The following LRBA variants were observed in gnomAD, a reference collection of about 807,000 sequenced individuals.
LRBA encodes LPS responsive beige-like anchor protein, also known as lipopolysaccharide-responsive and beige-like anchor protein.
LRBA carries 176 observed loss-of-function variants against 330.0 expected under a neutral mutation model. The ratio of observed to expected loss-of-function variants is 0.53; its 90% CI spans 0.47 to 0.60. The LOEUF is 0.60. Ranked by LOEUF, LRBA falls within the 20% of genes least tolerant of loss-of-function variation. The pLI is 0.00. For missense variants in LRBA, 3,259 were observed against 3,444.8 expected, an observed-to-expected ratio of 0.95 and a Z score of 1.35; for synonymous variants, 1,230 against 1,193.0, an observed-to-expected ratio of 1.03 and a Z score of -0.64.
intron 47 of LRBA, among the ~76,000 whole-genome samples, chr4:150,363,879 A>C (rs1739065138): frequency 6.6e-6 from 1 of 152,216 alleles, no homozygotes; most frequent in Non-Finnish European, 1.5e-5. Flanking sequence ...ACTGTTTAAG[A>C]AGCGTGAAAT....
At chr4:150,465,558 T>C (rs982590472) in intron 44 of LRBA, among the ~76,000 whole-genome samples, 1 of 152,180 alleles carries the variant, frequency 6.6e-6, no homozygotes, top group African/African-American at 2.4e-5. Context: ...ATCTTCCTAA[T>C]GGTTGTGAAG....
chr4:150,926,241 T>C (rs1017465884), intron 4 of LRBA, among the ~76,000 whole-genome samples: 3 of 152,190 alleles, frequency 2.0e-5, no homozygotes, highest in African/African-American at 7.2e-5. Context: ...AGTTAAAGAA[T>C]TCCCAAAACT....
rs146561041 is a variant in LRBA at position 150,997,989 on chromosome 4, C to A, written c.216+16438G>T. Among the ~76,000 whole-genome samples the A allele has an allele frequency of 5.8e-3, 886 of 152,246 alleles. 11 individuals are homozygous for A. Among genetic ancestry groups the A allele is most frequent in the African/African-American group, 0.02 (829 of 41,548 alleles). ...AAAGTGCTAGGATTACAAGCGTGAG[C>A]CACTGCACCTGGCCAAACAGTCTAT... is the stretch of plus-strand genomic sequence containing the variant. On this transcript the variant is annotated intron_variant, in intron 2 of 56. Transcript: ENST00000651943.
At chr4:150,827,571 T>C (rs1165878024) in intron 30 of LRBA, among the ~76,000 whole-genome samples, 4 of 152,064 alleles carry the variant, frequency 2.6e-5, no homozygotes, top group South Asian at 2.1e-4. Flanking sequence ...AACAGTAATA[T>C]ATTTTTTTCT....
intron 40 of LRBA, among the ~76,000 whole-genome samples, chr4:150,504,260 C>T (rs1581514447): frequency 6.6e-6 from 1 of 151,996 alleles, no homozygotes; most frequent in South Asian, 2.1e-4. Flanking sequence ...AGATACTCCT[C>T]GAGAAGAGCA....
At chr4:150,275,057 A>T (rs1428098710) in intron 56 of LRBA, among the ~76,000 whole-genome samples, 2 of 152,218 alleles carry the variant, frequency 1.3e-5, no homozygotes, top group African/African-American at 4.8e-5. Context: ...CAAATCCAGG[A>T]GCACATCAAA....
chr4:150,753,182 C>T (rs1560771634), intron 35 of LRBA, among the ~76,000 whole-genome samples: 1 of 152,108 alleles, frequency 6.6e-6, no homozygotes, highest in Non-Finnish European at 1.5e-5. Flanking sequence ...CTCCTCCCCT[C>T]GTTTTAACTT....
rs745608560 is a variant in LRBA at position 150,683,566 on chromosome 4, C to G, written c.5906G>C (p.Gly1969Ala). 7.2e-5 allele frequency: 116 copies of G among 1,613,594 alleles called. No homozygotes were observed. The highest frequency in any genetic ancestry group is 9.1e-5 in the Non-Finnish European group (107 of 1,179,774). The change falls in exon 37 of 57, where the codon GGA becomes GCA. Residue 1969 changes from glycine (G) to alanine (A), a missense_variant. Coordinates refer to ENST00000651943, the MANE Select transcript of LRBA (RefSeq NM_001364905.1). Reference protein sequence around the residue: ...NILTDKHGAWGNSAVSRPLEF... With the variant: ...NILTDKHGAWANSAVSRPLEF... The stretch of plus-strand genomic sequence containing the variant: ...ATCCCTTTACCTCACTGCAGAATTT[C>G]CCCAGGCTCCATGCTTGTCTGTGAG...
chr4:150,588,716 A>G (rs1772431944), intron 39 of LRBA, among the ~76,000 whole-genome samples: 1 of 152,244 alleles, frequency 6.6e-6, no homozygotes, highest in Admixed American at 6.5e-5. Context: ...CTCTTCCATA[A>G]CAACTTTACC....
At chr4:150,828,041 G>A (rs1035644428) in intron 30 of LRBA, 139 bp downstream of exon 30, 16 of 660,956 alleles carry the variant, frequency 2.4e-5, no homozygotes, top group African/African-American at 2.4e-4. Flanking sequence ...ATCAACATAA[G>A]CTATTGGTAG....
chr4:150,497,668 T>C (rs1015859320), intron 40 of LRBA, among the ~76,000 whole-genome samples: 14 of 152,122 alleles, frequency 9.2e-5, no homozygotes, highest in South Asian at 2.1e-4. Flanking sequence ...TTTTAGTCAG[T>C]ATGAAAAATT....
intron 47 of LRBA, among the ~76,000 whole-genome samples, chr4:150,413,114 G>A (rs1255282198): frequency 6.6e-6 from 1 of 151,772 alleles, no homozygotes; most frequent in East Asian, 1.9e-4. Context: ...TCGGTGAAAA[G>A]ATGGTTAACA....
At chr4:150,841,210 TAAC>T (rs1249564191) in intron 28 of LRBA, among the ~76,000 whole-genome samples, 2 of 152,234 alleles carry the variant, frequency 1.3e-5, no homozygotes, top group Admixed American at 6.5e-5. Context: ...TACTTGTTCT[TAAC>T]TTCTTAGTCT....
In LRBA at chr4:150,539,470, G is replaced by T. The variant is rs186466112; in HGVS notation, c.6331-48435C>A. Reference sequence around the variant, plus strand: ...TACTTTCCTTATTCAGTCCAAAATAGATTTCCAATGCCCTATCTCTAAAAG... The same window carrying T: ...TACTTTCCTTATTCAGTCCAAAATATATTTCCAATGCCCTATCTCTAAAAG... On this transcript the variant is annotated intron_variant, in intron 40 of 56. Coordinates refer to ENST00000651943, the MANE Select transcript of LRBA (RefSeq NM_001364905.1). Among the ~76,000 whole-genome samples, 503 of 152,216 alleles carry T rather than the reference G, an allele frequency of 3.3e-3. 1 individual carries two copies. The highest frequency in any genetic ancestry group is 0.012 in the African/African-American group (479 of 41,526).
At chr4:150,737,199 C>G (rs1228402868) in intron 35 of LRBA, among the ~76,000 whole-genome samples, 2 of 152,174 alleles carry the variant, frequency 1.3e-5, no homozygotes, top group African/African-American at 2.4e-5. Context: ...GCCTGAGCAA[C>G]AGAGAGAGAT....
chr4:150,351,100 T>A (rs754493534), intron 47 of LRBA, among the ~76,000 whole-genome samples: 24 of 152,282 alleles, frequency 1.6e-4, no homozygotes, highest in Non-Finnish European at 2.8e-4. Flanking sequence ...AATCAAGTAT[T>A]TGGTTGAGAT....
At chr4:150,551,262 A>G (rs548537363) in intron 40 of LRBA, among the ~76,000 whole-genome samples, 2 of 152,344 alleles carry the variant, frequency 1.3e-5, no homozygotes, top group South Asian at 2.1e-4. Flanking sequence ...ATAAATTACT[A>G]GTCTCTGGTA....
chr4:150,971,346 C>T lies in LRBA; in HGVS notation c.217-42281G>A, dbSNP rs1445799420. ...TAAGGCAATCAGACACATACTGTCA[C>T]ATATAATGATTGTTTTAGCTATAAG... On this transcript the variant is annotated intron_variant, in intron 2 of 56. Transcript: ENST00000651943. 3.9e-5 allele frequency among the ~76,000 whole-genome samples: 6 copies of T among 152,282 alleles called. No individual in the cohort carries two copies. In the East Asian group the frequency reaches 7.7e-4, roughly 20 times the overall value.
At chr4:150,383,597 A>G (rs757460299) in intron 47 of LRBA, among the ~76,000 whole-genome samples, 1 of 152,164 alleles carries the variant, frequency 6.6e-6, no homozygotes, top group Non-Finnish European at 1.5e-5. Context: ...TTTTGAGAAC[A>G]TAAAGTGTTT....
Sources: allele counts gnomAD v4.1 joint callset (sites outside exome capture counted in the v4.1 genomes callset), GRCh38; gene constraint gnomAD v4.1.1; transcripts MANE v1.5; gene names NCBI Gene and HGNC (gene_info 2026-07-23, HGNC 2026-07-21).